Variants in ZKSCAN1 observed in about 807,000 individuals in gnomAD.
ZKSCAN1 encodes zinc finger protein with KRAB and SCAN domains 1.
ZKSCAN1 carries 14 observed loss-of-function variants against 51.6 expected under a neutral mutation model. That is an observed-to-expected ratio of 0.27 (90% CI 0.18 to 0.42). The LOEUF (loss-of-function observed/expected upper bound fraction) is 0.42, where lower values mean the gene tolerates loss of function less well. Among genes scored for constraint, ZKSCAN1 ranks in the 10% least tolerant of loss-of-function variants. The pLI is 1.00. For synonymous variants in ZKSCAN1, 263 were observed against 261.5 expected (o/e 1.01, Z -0.06); for missense variants, 531 against 710.0 (o/e 0.75, Z 2.86).
At position 100,038,458 on chromosome 7, in the gene ZKSCAN1, T is replaced by C; in HGVS notation, c.*4261T>C. 2.0e-6 allele frequency: 2 copies of C among 985,452 alleles called. No homozygotes were observed. Among genetic ancestry groups the C allele is most frequent in the Non-Finnish European group, 2.4e-6 (2 of 829,946 alleles). The allele number at this position is 985,452 out of a possible 1,614,324, so 61.0% of individuals were successfully genotyped here. On this transcript the variant is annotated 3_prime_UTR_variant, in exon 6 of 6. Coordinates refer to ENST00000324306, the MANE Select transcript of ZKSCAN1 (RefSeq NM_003439.4). The stretch of plus-strand genomic sequence containing the variant: ...AAGACAGGCTAATGGGGCACTGAAA[T>C]GGAACAACTCCTTTAAACGTGCAGC...
chr7:100,031,399 T>C (rs1791100026), intron 5 of ZKSCAN1, among the ~76,000 whole-genome samples: 1 of 146,210 alleles, frequency 6.8e-6, no homozygotes, highest in Admixed American at 7.0e-5. Context: ...CACCTCAGCC[T>C]CCCAAGTAGC....
At chr7:100,024,529 G>A in intron 3 of ZKSCAN1, 1 of 547,314 alleles carries the variant, frequency 1.8e-6, no homozygotes, top group Non-Finnish European at 3.2e-6. Flanking sequence ...AGGAGGTTGA[G>A]GCTGCAGTGA....
rs992243021 is a variant in ZKSCAN1, at chr7:100,020,881, T to C, written c.-88-2538T>C. 1.2e-4 allele frequency among the ~76,000 whole-genome samples: 19 copies of C among 152,174 alleles called. 1 individual carries two copies. The highest frequency in any genetic ancestry group is 4.3e-4 in the African/African-American group (18 of 41,442). ...GGTGAAAAGAATAAATTCAGAAAGA[T>C]TTGTAGCTTCAGATGGAAGAATCAC... On this transcript the variant is annotated intron_variant, in intron 1 of 5. Coordinates refer to ENST00000324306, the MANE Select transcript of ZKSCAN1 (RefSeq NM_003439.4).
chr7:100,018,669 G>C (rs1016234656), intron 1 of ZKSCAN1, among the ~76,000 whole-genome samples: 1 of 152,194 alleles, frequency 6.6e-6, no homozygotes, highest in East Asian at 1.9e-4. Flanking sequence ...TTACAGGCAT[G>C]AGCCACTGCG....
At chr7:100,021,624 C>A (rs1315724115) in intron 1 of ZKSCAN1, among the ~76,000 whole-genome samples, 1 of 151,954 alleles carries the variant, frequency 6.6e-6, no homozygotes, top group Non-Finnish European at 1.5e-5. Context: ...TTTTTACCTC[C>A]TAATGTGGCT....
Position 100,039,322 on chromosome 7 carries a change from A to AG in ZKSCAN1, c.*5125_*5126insG, listed in dbSNP as rs1562834603. The AG allele has an allele frequency of 4.1e-6, 4 of 985,010 alleles. No individual in the cohort carries two copies. Among genetic ancestry groups the AG allele is most frequent in the Non-Finnish European group, 2.4e-6 (2 of 829,708 alleles). 61.0% of individuals were successfully genotyped at this position (985,010 alleles called of 1,614,324 possible). On this transcript the variant is annotated 3_prime_UTR_variant, in exon 6 of 6. Transcript: ENST00000324306. Reference sequence around the variant, plus strand: ...GACTCTGTCTCAAAAAAAGAAAAAAAAAAAAGAAAGAAAGAAAGAAAATTG... The same window carrying AG: ...GACTCTGTCTCAAAAAAAGAAAAAAAGAAAAAGAAAGAAAGAAAGAAAATTG...
At chr7:100,022,342 TG>T (rs1383750836) in intron 1 of ZKSCAN1, among the ~76,000 whole-genome samples, 1 of 152,246 alleles carries the variant, frequency 6.6e-6, no homozygotes, top group Non-Finnish European at 1.5e-5. Flanking sequence ...CATGAGCCAC[TG>T]CGCCCAGCCA....
Position 100,038,760 on chromosome 7 carries a change from C to G in ZKSCAN1, c.*4563C>G. 1.0e-6 allele frequency: 1 copy of G among 978,830 alleles called. No homozygotes were observed. The highest frequency in any genetic ancestry group is 1.2e-6 in the Non-Finnish European group (1 of 823,950). 60.6% of individuals were successfully genotyped at this position (978,830 alleles called of 1,614,324 possible). A position where few individuals can be genotyped will look rare whatever the true frequency, so the allele number is the denominator to read the frequency against. ...CCTGTAATCCCAGCACTTTGGGAGA[C>G]CAAGGCGGGTGGATCACAAGGTCAG... is the stretch of plus-strand genomic sequence containing the variant. On this transcript the variant is annotated 3_prime_UTR_variant, in exon 6 of 6. Coordinates refer to ENST00000324306, the MANE Select transcript of ZKSCAN1 (RefSeq NM_003439.4).
In ZKSCAN1 at chr7:100,033,327, CGAG is replaced by C. The variant is rs1562827529; in HGVS notation, c.826_828del (p.Glu276del). On this transcript the variant is annotated inframe_deletion, in exon 6 of 6. Transcript: ENST00000324306. This position sits in a 1 kb window ranked among gnomAD's most constrained non-coding sequence, Gnocchi z 4.1. ...CAGGTGGTGAAAACAGGAATGAGAA[CGAG>C]GAGTCAACCTCAAAGGCTGAAACCT... 3 of 1,608,418 alleles carry C rather than the reference CGAG, an allele frequency of 1.9e-6. No homozygotes were observed. Among genetic ancestry groups the C allele is most frequent in the East Asian group, 4.5e-5 (2 of 44,848 alleles).
intron 3 of ZKSCAN1, among the ~76,000 whole-genome samples, chr7:100,028,899 T>TAA (rs1232146745): frequency 2.6e-5 from 4 of 151,726 alleles, no homozygotes; most frequent in Non-Finnish European, 5.9e-5. Flanking sequence ...ACACAGTGGC[T>TAA]AACACTTGTA....
chr7:100,032,384 TCC>T (rs2115927775), intron 5 of ZKSCAN1, among the ~76,000 whole-genome samples: 1 of 152,226 alleles, frequency 6.6e-6, no homozygotes, highest in Non-Finnish European at 1.5e-5. Flanking sequence ...CTCTGCTCAT[TCC>T]CCTTGTGTCT....
downstream of ZKSCAN1, among the ~76,000 whole-genome samples, chr7:100,044,388 C>G (rs1296338833): frequency 6.6e-6 from 1 of 151,992 alleles, no homozygotes; most frequent in African/African-American, 2.4e-5. Context: ...TAGCACTGAG[C>G]CGGGCATGGT....
intron 3 of ZKSCAN1, among the ~76,000 whole-genome samples, chr7:100,027,022 C>A (rs534323299): frequency 6.6e-6 from 1 of 152,052 alleles, no homozygotes; most frequent in Non-Finnish European, 1.5e-5. Flanking sequence ...AAAGGCCAGG[C>A]GCAGTGGCCC....
intron 3 of ZKSCAN1, among the ~76,000 whole-genome samples, chr7:100,028,930 C>T (rs1288491652): frequency 2.6e-5 from 4 of 151,984 alleles, no homozygotes; most frequent in Non-Finnish European, 2.9e-5. Flanking sequence ...TTTGGGAGGC[C>T]GAGGCGGGCA....
At position 100,034,042 on chromosome 7, in the gene ZKSCAN1, C is replaced by G; in HGVS notation, c.1537C>G (p.Arg513Gly). The change falls in exon 6 of 6, where the codon CGA becomes GGA. Residue 513 changes from arginine to glycine, a missense_variant. Arg to Gly is a moderately radical substitution (Grantham distance 125, BLOSUM62 -2). Coordinates refer to ENST00000324306, the MANE Select transcript of ZKSCAN1 (RefSeq NM_003439.4). ...GATTTTGCATCGGAGAATTCACACTCGAGAAAAGCCCTACAAGTGCACTAA... is the reference window on the plus strand; with the variant it reads ...GATTTTGCATCGGAGAATTCACACTGGAGAAAAGCCCTACAAGTGCACTAA... Reference protein sequence around the residue: ...YLILHRRIHTREKPYKCTKCG... With the variant: ...YLILHRRIHTGEKPYKCTKCG... 1 of 1,613,968 alleles carries G rather than the reference C, an allele frequency of 6.2e-7. No homozygotes were observed. Among genetic ancestry groups the G allele is most frequent in the Non-Finnish European group, 8.5e-7 (1 of 1,180,006 alleles).
intron 3 of ZKSCAN1, among the ~76,000 whole-genome samples, chr7:100,029,402 G>A (rs927597593): frequency 6.6e-6 from 1 of 152,102 alleles, no homozygotes; most frequent in Non-Finnish European, 1.5e-5. Flanking sequence ...TTTTAAAGCT[G>A]TGTTGTGTTT....
In ZKSCAN1 at chr7:100,041,130, G is replaced by GAAA. The variant is rs1791576886; in HGVS notation, c.*6933_*6934insAAA. 1.2e-6 allele frequency: 1 copy of GAAA among 801,824 alleles called. No homozygotes were observed. Among genetic ancestry groups the GAAA allele is most frequent in the South Asian group, 5.7e-5 (1 of 17,568 alleles). 49.7% of individuals were successfully genotyped at this position (801,824 alleles called of 1,614,324 possible). ...AACTCAGGCATTGTCTTGTTTATTT[G>GAAA]TAGACTGGATTAAAAACAACCTGTC... On this transcript the variant is annotated 3_prime_UTR_variant, in exon 6 of 6. Transcript: ENST00000324306.
At chr7:100,043,637 A>G (rs1437534757), downstream of ZKSCAN1, among the ~76,000 whole-genome samples, 1 of 151,850 alleles carries the variant, frequency 6.6e-6, no homozygotes, top group Non-Finnish European at 1.5e-5. Flanking sequence ...AGCTTCCCGA[A>G]GTGCTGGGAT....
chr7:100,037,634 CTT>C lies in ZKSCAN1; in HGVS notation c.*3439_*3440del, dbSNP rs1292950872. On this transcript the variant is annotated 3_prime_UTR_variant, in exon 6 of 6. Coordinates refer to ENST00000324306, the MANE Select transcript of ZKSCAN1 (RefSeq NM_003439.4). ...TGATGAATATTATATGTGAGGAAAA[CTT>C]TCATGTATAGCACTCATTGCTTCAG... The C allele has an allele frequency of 1.0e-6, 1 of 985,320 alleles. No individual in the cohort carries two copies. The highest frequency in any genetic ancestry group is 1.2e-6 in the Non-Finnish European group (1 of 829,934). 61.0% of individuals were successfully genotyped at this position (985,320 alleles called of 1,614,324 possible).
Sources: gnomAD v4.1 joint callset for allele counts (sites outside exome capture counted in the v4.1 genomes callset) on GRCh38, gnomAD v4.1.1 for gene constraint, Gnocchi (gnomAD v3.1) non-coding constraint, MANE v1.5 for transcripts, NCBI Gene and HGNC (gene_info 2026-07-23, HGNC 2026-07-21) for gene names.